Variants in CACNB2 observed in about 807,000 individuals in gnomAD.
The protein encoded by CACNB2 is calcium voltage-gated channel auxiliary subunit beta 2, also known as voltage-dependent L-type calcium channel subunit beta-2.
Under a neutral mutation model 73.3 loss-of-function variants are expected in CACNB2, and 42 were observed. The ratio of observed to expected loss-of-function variants is 0.57; its 90% CI spans 0.45 to 0.74. The LOEUF (loss-of-function observed/expected upper bound fraction) is 0.74, where lower values mean the gene tolerates loss of function less well. Ranked by LOEUF, CACNB2 falls within the 30% of genes least tolerant of loss-of-function variation. The pLI is 0.00. For synonymous variants in CACNB2, 348 were observed against 310.3 expected, an observed-to-expected ratio of 1.12 and a Z score of -1.28; for missense variants, 940 against 853.0, an observed-to-expected ratio of 1.10 and a Z score of -1.27.
intron 2 of CACNB2, among the ~76,000 whole-genome samples, chr10:18,262,491 G>A (rs1409268139): frequency 1.3e-5 from 2 of 152,248 alleles, no homozygotes; most frequent in South Asian, 2.1e-4. Context: ...AGAAATCAAT[G>A]GAGGAGTCAG....
intron 13 of CACNB2, among the ~76,000 whole-genome samples, chr10:18,538,822 G>C (rs1163305429): frequency 6.6e-6 from 1 of 152,124 alleles, no homozygotes; most frequent in Non-Finnish European, 1.5e-5. Flanking sequence ...GTCCCATACT[G>C]TATCACTGTA....
intron 2 of CACNB2, among the ~76,000 whole-genome samples, chr10:18,322,395 T>A (rs975600170): frequency 1.3e-5 from 2 of 152,220 alleles, no homozygotes; most frequent in African/African-American, 4.8e-5. Flanking sequence ...GGTTAATGTT[T>A]GTTGATTAAG....
chr10:18,382,586 G>A (rs1003507244), intron 2 of CACNB2, among the ~76,000 whole-genome samples: 6 of 152,012 alleles, frequency 3.9e-5, no homozygotes, highest in African/African-American at 1.4e-4. Flanking sequence ...TCCCCTCCCT[G>A]TGTCCGTGTG....
chr10:18,363,701 C>G (rs944202096), intron 2 of CACNB2, among the ~76,000 whole-genome samples: 4 of 151,926 alleles, frequency 2.6e-5, no homozygotes, highest in African/African-American at 9.7e-5. Context: ...GGTCTGAATT[C>G]AGGTCTTTGT....
intron 2 of CACNB2, 145 bp downstream of exon 2, chr10:18,151,120 A>G: frequency 1.6e-6 from 1 of 636,192 alleles, no homozygotes. Flanking sequence ...GTTTAATGTC[A>G]TAATTAAAAT....
At chr10:18,295,923 T>C (rs2039259479) in intron 2 of CACNB2, among the ~76,000 whole-genome samples, 1 of 151,934 alleles carries the variant, frequency 6.6e-6, no homozygotes, top group African/African-American at 2.4e-5. Flanking sequence ...GTCCATCACC[T>C]TTCCTTGGTC....
intron 3 of CACNB2, among the ~76,000 whole-genome samples, chr10:18,486,101 T>C (rs1269639189): frequency 1.3e-5 from 2 of 152,180 alleles, no homozygotes; most frequent in Non-Finnish European, 1.5e-5. Context: ...ACCTTTGTAT[T>C]AGGAAATGAA....
At chr10:18,325,717 T>C (rs2040564925) in intron 2 of CACNB2, among the ~76,000 whole-genome samples, 1 of 130,748 alleles carries the variant, frequency 7.6e-6, no homozygotes, top group Non-Finnish European at 1.6e-5. Context: ...CTTCCTTCCT[T>C]CTCTCTCTTT....
chr10:18,507,893 T>C (rs2050575949), intron 6 of CACNB2, among the ~76,000 whole-genome samples: 1 of 152,190 alleles, frequency 6.6e-6, no homozygotes, highest in Non-Finnish European at 1.5e-5. Flanking sequence ...CATTCCTGAA[T>C]GGTGGTGGCC....
At chr10:18,238,520 C>T (rs931150478) in intron 2 of CACNB2, 5 of 152,064 alleles carry the variant, frequency 3.3e-5, no homozygotes, top group African/African-American at 1.2e-4. Flanking sequence ...CCAATGTGAA[C>T]CTAAAAATAA....
chr10:18,521,986 A>G (rs1458547624), intron 9 of CACNB2, among the ~76,000 whole-genome samples: 1 of 152,110 alleles, frequency 6.6e-6, no homozygotes, highest in African/African-American at 2.4e-5. Context: ...GCAAAGCTTC[A>G]TCTGTATTTA....
intron 3 of CACNB2, among the ~76,000 whole-genome samples, chr10:18,423,442 A>T (rs1359473894): frequency 6.6e-6 from 1 of 152,212 alleles, no homozygotes; most frequent in Non-Finnish European, 1.5e-5. Context: ...TAGGAAGCCA[A>T]GTTCCTGACT....
At chr10:18,419,186 C>G (rs1367570212) in intron 3 of CACNB2, among the ~76,000 whole-genome samples, 1 of 152,204 alleles carries the variant, frequency 6.6e-6, no homozygotes, top group Non-Finnish European at 1.5e-5. Context: ...TGCTTCTCCT[C>G]TGAGCGTACT....
chr10:18,269,092 G>A lies in CACNB2; in HGVS notation c.213+118117G>A, dbSNP rs2037938282. On this transcript the variant is annotated intron_variant, in intron 2 of 13. Coordinates refer to ENST00000324631, the MANE Select transcript of CACNB2 (RefSeq NM_201596.3). Reference sequence around the variant, plus strand: ...GATAAGAACCTGTTTCACGAAGGGTGATCAAGTCCTACTGAGTTGATTTGC... The same window carrying A: ...GATAAGAACCTGTTTCACGAAGGGTAATCAAGTCCTACTGAGTTGATTTGC... Among the ~76,000 whole-genome samples the A allele has an allele frequency of 3.3e-5, 5 of 152,176 alleles. No homozygotes were observed. In the South Asian group the frequency reaches 1.0e-3, roughly 32 times the overall value.
Position 18,520,425 on chromosome 10 carries a change from ACATCTT to A in CACNB2, c.944+1463_944+1468del, listed in dbSNP as rs576273128. On this transcript the variant is annotated intron_variant, in intron 9 of 13. Transcript: ENST00000324631. ...TCCTCTGCCACCATTTTGGTCTGAG[ACATCTT>A]CATCTCTTCCCTGGATTGGTGCAAC... Among the ~76,000 whole-genome samples, 829 of 152,232 alleles carry A rather than the reference ACATCTT, an allele frequency of 5.4e-3. 7 individuals are homozygous for A. The highest frequency in any genetic ancestry group is 0.019 in the African/African-American group (770 of 41,542).
intron 2 of CACNB2, among the ~76,000 whole-genome samples, chr10:18,345,772 A>G (rs1320885730): frequency 3.3e-5 from 5 of 152,254 alleles, no homozygotes; most frequent in Non-Finnish European, 7.3e-5. Flanking sequence ...TCGCATAATT[A>G]GAAATCAACA....
At chr10:18,501,447 G>C (rs1472835150) in intron 5 of CACNB2, among the ~76,000 whole-genome samples, 1 of 152,224 alleles carries the variant, frequency 6.6e-6, no homozygotes, top group Non-Finnish European at 1.5e-5. Context: ...GAGAAGCGAA[G>C]TATGAAACAA....
chr10:18,353,498 T>C (rs999758254), intron 2 of CACNB2, among the ~76,000 whole-genome samples: 1 of 152,218 alleles, frequency 6.6e-6, no homozygotes, highest in Non-Finnish European at 1.5e-5. Context: ...CCTTCTCAAC[T>C]CTTTTTAACT....
At chr10:18,367,279 A>G (rs1332919150) in intron 2 of CACNB2, among the ~76,000 whole-genome samples, 2 of 151,960 alleles carry the variant, frequency 1.3e-5, no homozygotes, top group Non-Finnish European at 2.9e-5. Context: ...AAATGAACAC[A>G]TTTTATAATT....
Sources: gnomAD v4.1 joint callset for allele counts (sites outside exome capture counted in the v4.1 genomes callset) on GRCh38, gnomAD v4.1.1 for gene constraint, MANE v1.5 for transcripts, NCBI Gene and HGNC (gene_info 2026-07-23, HGNC 2026-07-21) for gene names.